CORO7: variants seen among roughly 807,000 people sequenced by gnomAD.
The protein encoded by CORO7 is coronin 7.
Under a neutral mutation model 126.6 loss-of-function variants are expected in CORO7, and 107 were observed. That is an observed-to-expected ratio of 0.85 (90% CI 0.72 to 0.99). The LOEUF is 0.99. Among genes scored for constraint, CORO7 ranks in the 50% least tolerant of loss-of-function variants. The probability of loss-of-function intolerance (pLI) is 0.00; values close to 1 mark genes in which losing one functional copy is unlikely to be tolerated. For missense variants in CORO7, 1,314 were observed against 1,255.8 expected, an observed-to-expected ratio of 1.05 and a Z score of -0.70; for synonymous variants, 603 against 536.8, an observed-to-expected ratio of 1.12 and a Z score of -1.70.
Position 4,364,934 on chromosome 16 carries a change from C to T in CORO7, c.899-14G>A. 6.2e-7 allele frequency: 1 copy of T among 1,608,478 alleles called. No homozygotes were observed. Among genetic ancestry groups the T allele is most frequent in the East Asian group, 2.2e-5 (1 of 44,710 alleles). On this transcript the variant is annotated splice_polypyrimidine_tract_variant and intron_variant, in intron 11 of 27. Coordinates refer to ENST00000251166, the MANE Select transcript of CORO7 (RefSeq NM_024535.5). ...CACACTGGGTCACTGTTGAGGACAC[C>T]ATAGGGGAACAGGCAGGATGGGCAG...
Position 4,357,973 on chromosome 16 carries a change from C to T in CORO7, c.2588G>A (p.Ser863Asn), listed in dbSNP as rs191380280. 54 of 1,602,916 alleles carry T rather than the reference C, an allele frequency of 3.4e-5. No individual in the cohort carries two copies. In the African/African-American group the frequency reaches 6.7e-4, roughly 20 times the overall value. Residue 863 changes from serine (S) to asparagine (N), a missense_variant, in exon 25 of 28, where the codon AGC becomes AAC. By Grantham distance (46) the Ser-to-Asn change is conservative. Transcript: ENST00000251166. ...WLLSLQPPDM[S>N]PVSQAPREAP... ...CACCCAGTCCCTCGGTGCACCTGGG[C>T]TCATGTCAGGAGGCTGCAGGCTGAG...
At chr16:4,371,604 C>T (rs2054524152) in intron 9 of CORO7, among the ~76,000 whole-genome samples, 1 of 151,972 alleles carries the variant, frequency 6.6e-6, no homozygotes, top group Non-Finnish European at 1.5e-5. Flanking sequence ...TAGTCTCTCG[C>T]TTTTTACACA....
At chr16:4,413,267 G>A (rs764291476) in intron 2 of CORO7, 41 bp downstream of exon 2, 13 of 1,539,420 alleles carry the variant, frequency 8.4e-6, no homozygotes, top group Admixed American at 2.0e-5. Context: ...GACGATGACC[G>A]AATATGTGAG....
chr16:4,391,382 C>G (rs1329766084), intron 7 of CORO7, among the ~76,000 whole-genome samples: 1 of 152,138 alleles, frequency 6.6e-6, no homozygotes, highest in East Asian at 1.9e-4. Context: ...ATGGTGAAAC[C>G]CCATCTCTAC....
intron 9 of CORO7, among the ~76,000 whole-genome samples, chr16:4,366,365 G>A (rs1320720344): frequency 6.6e-6 from 1 of 152,062 alleles, no homozygotes; most frequent in Non-Finnish European, 1.5e-5. Context: ...CACTGGCCGG[G>A]CTTTATGCCT....
chr16:4,413,435 G>A (rs371611705), intron 1 of CORO7, 31 bp from the exon 2 acceptor site: 122 of 1,548,370 alleles, frequency 7.9e-5, no homozygotes, highest in Non-Finnish European at 9.9e-5. Flanking sequence ...AGTATGTGGT[G>A]AGAGCCAGGG....
rs1480638918 is a variant in CORO7, at chr16:4,388,458, C to A, written c.702+87G>T. The A allele has an allele frequency of 2.1e-6, 3 of 1,446,688 alleles. No homozygotes were observed. In the African/African-American group the frequency reaches 4.2e-5, roughly 20 times the overall value. 89.6% of individuals were successfully genotyped at this position (1,446,688 alleles called of 1,614,324 possible). On this transcript the variant is annotated intron_variant, in intron 8 of 27. Coordinates refer to ENST00000251166, the MANE Select transcript of CORO7 (RefSeq NM_024535.5). ...AGGCCTGGAACTGGCCCTCAGTCCCCCGCCTCCCATTGGTTTCGTCCCCGC... is the reference window on the plus strand; with the variant it reads ...AGGCCTGGAACTGGCCCTCAGTCCCACGCCTCCCATTGGTTTCGTCCCCGC...
At chr16:4,384,719 G>A (rs1049693343) in intron 9 of CORO7, among the ~76,000 whole-genome samples, 9 of 152,314 alleles carry the variant, frequency 5.9e-5, no homozygotes, top group Non-Finnish European at 8.8e-5. Flanking sequence ...GGGTCATGGC[G>A]GGCAGTGGGT....
At position 4,401,043 on chromosome 16, in the gene CORO7, T is replaced by A. The variant is rs187723871; in HGVS notation, c.564+4448A>T. 7.4e-4 allele frequency among the ~76,000 whole-genome samples: 112 copies of A among 152,280 alleles called. 1 individual carries two copies. In the South Asian group the frequency reaches 0.022, roughly 30 times the overall value. On this transcript the variant is annotated intron_variant, in intron 6 of 27. Coordinates refer to ENST00000251166, the MANE Select transcript of CORO7 (RefSeq NM_024535.5). ...GAAAACCAAGTGAATTCCCGCTCCA[T>A]GTGCAGCCCCTCCCTGAGAGATGAG...
chr16:4,360,216 T>C lies in CORO7; in HGVS notation c.2108+62A>G, dbSNP rs1160306703. On this transcript the variant is annotated intron_variant, in intron 21 of 27. Coordinates refer to ENST00000251166, the MANE Select transcript of CORO7 (RefSeq NM_024535.5). ...TGAAAGCCTGACAAATGTATGTGAC[T>C]GTGGAGAAGGGGGACACAGGTGGCT... 5 of 1,605,706 alleles carry C rather than the reference T, an allele frequency of 3.1e-6. No individual in the cohort carries two copies. The East Asian group carries it at 1.1e-4, about 36-fold the overall frequency.
At chr16:4,382,290 G>A (rs750848286) in intron 9 of CORO7, 2 of 1,610,056 alleles carry the variant, frequency 1.2e-6, no homozygotes, top group East Asian at 2.2e-5. Flanking sequence ...TCGAGCCGGT[G>A]AGCCCCACCT....
In CORO7 at chr16:4,407,757, G is replaced by C. The variant is rs1449936011; in HGVS notation, c.304-73C>G. 21 of 1,467,262 alleles carry C rather than the reference G, an allele frequency of 1.4e-5. No individual in the cohort carries two copies. The Admixed American group carries it at 2.4e-4, about 16-fold the overall frequency. The allele number at this position is 1,467,262 out of a possible 1,614,324, so 90.9% of individuals were successfully genotyped here. Reference sequence around the variant, plus strand: ...CCTTGAGTCAGCTGCCGTGACCCCAGTGAGGTCCCGTGTTGGAACTAGGCT... The same window carrying C: ...CCTTGAGTCAGCTGCCGTGACCCCACTGAGGTCCCGTGTTGGAACTAGGCT... On this transcript the variant is annotated intron_variant, in intron 4 of 27. Coordinates refer to ENST00000251166, the MANE Select transcript of CORO7 (RefSeq NM_024535.5).
chr16:4,382,028 A>C (rs3810818), intron 9 of CORO7: 1,213,951 of 1,597,650 alleles, frequency 0.76, 463,667 homozygotes, highest in East Asian at 0.81. Context: ...AGCCCCACAG[A>C]GCCGGCCACT....
At chr16:4,383,930 G>A (rs1280857672) in intron 9 of CORO7, among the ~76,000 whole-genome samples, 1 of 152,176 alleles carries the variant, frequency 6.6e-6, no homozygotes, top group Non-Finnish European at 1.5e-5. Flanking sequence ...CTCATGGATG[G>A]TCCCGGGAGC....
chr16:4,406,537 C>T (rs898985328), intron 5 of CORO7, among the ~76,000 whole-genome samples: 4 of 151,202 alleles, frequency 2.6e-5, no homozygotes, highest in African/African-American at 9.7e-5. Context: ...TGGGCTCAAG[C>T]GATCCTCCCA....
chr16:4,374,142 G>A (rs536075419), intron 9 of CORO7, among the ~76,000 whole-genome samples: 5 of 151,124 alleles, frequency 3.3e-5, no homozygotes, highest in East Asian at 1.9e-4. Flanking sequence ...TGTGTCTGGC[G>A]TGGGCGTGTC....
intron 3 of CORO7, among the ~76,000 whole-genome samples, chr16:4,410,985 A>G (rs963432511): frequency 1.3e-5 from 2 of 152,198 alleles, no homozygotes; most frequent in Admixed American, 6.5e-5. Flanking sequence ...AGGCTGTGGT[A>G]TTGGAGGTGG....
At chr16:4,399,431 C>CAAATTATAGACACAGA (rs1299707207) in intron 6 of CORO7, among the ~76,000 whole-genome samples, 2 of 152,074 alleles carry the variant, frequency 1.3e-5, no homozygotes, top group Non-Finnish European at 2.9e-5. Flanking sequence ...CTAAAGTAGT[C>CAAATTATAGACACAGA]AAATTATAGA....
At chr16:4,398,727 G>T (rs111544506) in intron 6 of CORO7, among the ~76,000 whole-genome samples, 1,822 of 151,830 alleles carry the variant, frequency 0.012, 38 homozygotes, top group African/African-American at 0.041. Context: ...CCCAGCACTT[G>T]GGGAGGCCAA....
Sources: gnomAD v4.1 joint callset for allele counts (sites outside exome capture counted in the v4.1 genomes callset) on GRCh38, gnomAD v4.1.1 for gene constraint, MANE v1.5 for transcripts, NCBI Gene and HGNC (gene_info 2026-07-23, HGNC 2026-07-21) for gene names.